Variants in ARMC2 observed in about 807,000 individuals in gnomAD.
ARMC2 encodes the protein armadillo repeat containing 2.
In ARMC2, 67 loss-of-function variants were observed where a neutral mutation model predicts 90.3. That is an observed-to-expected ratio of 0.74 (90% CI 0.61 to 0.91). ARMC2 has a LOEUF of 0.91. ARMC2 is among the 40% of genes least tolerant of loss of function. ARMC2 has a pLI of 0.00. For synonymous variants in ARMC2, 393 were observed against 393.0 expected (o/e 1.00, Z 0.00); for missense variants, 920 against 1,030.9 (o/e 0.89, Z 1.47).
At chr6:108,855,542 C>T (rs753291268) in intron 2 of ARMC2, among the ~76,000 whole-genome samples, 6 of 152,166 alleles carry the variant, frequency 3.9e-5, no homozygotes, top group Non-Finnish European at 5.9e-5. Flanking sequence ...TGAGCGACCT[C>T]GCCCGGCCAA....
Position 108,892,652 on chromosome 6 carries a change from G to A in ARMC2, c.672-1815G>A, listed in dbSNP as rs551466513. The stretch of plus-strand genomic sequence containing the variant: ...CACACGCCTGTAATCCCAGCTACTC[G>A]GGAGGCTGAGGCAGGAGAATCCCTT... On this transcript the variant is annotated intron_variant, in intron 5 of 17. Transcript: ENST00000392644. Among the ~76,000 whole-genome samples the A allele has an allele frequency of 2.5e-4, 38 of 151,956 alleles. 1 individual carries two copies. In the South Asian group the frequency reaches 6.5e-3, roughly 26 times the overall value.
intron 13 of ARMC2, among the ~76,000 whole-genome samples, chr6:108,955,017 A>ACACT (rs1777468239): frequency 6.6e-6 from 1 of 152,142 alleles, no homozygotes; most frequent in African/African-American, 2.4e-5. Context: ...TGAAGAGAGC[A>ACACT]CACTCTGGGG....
intron 5 of ARMC2, among the ~76,000 whole-genome samples, chr6:108,892,342 A>G (rs1049018253): frequency 6.6e-6 from 1 of 152,036 alleles, no homozygotes; most frequent in Admixed American, 6.5e-5. Context: ...GACATTTGCT[A>G]TCGTATTTTT....
chr6:109,006,998 G>A, the ARMC2 span, among the ~76,000 whole-genome samples: 1 of 152,210 alleles, frequency 6.6e-6, no homozygotes, highest in South Asian at 2.1e-4. Context: ...AGCAGATGTA[G>A]ATACTAATCA....
chr6:108,852,210 C>T, intron 1 of ARMC2, among the ~76,000 whole-genome samples: 1 of 152,080 alleles, frequency 6.6e-6, no homozygotes, highest in East Asian at 1.9e-4. Context: ...AAAATCCTCC[C>T]CCCAAAGCCC....
At chr6:108,905,538 G>GA (rs59313750) in intron 8 of ARMC2, among the ~76,000 whole-genome samples, 3,742 of 130,002 alleles carry the variant, frequency 0.029, 68 homozygotes, top group East Asian at 0.097. Flanking sequence ...AAAGAGTGAG[G>GA]AAAAAAAAAA....
chr6:108,956,203 G>C (rs1777571140), intron 13 of ARMC2, among the ~76,000 whole-genome samples: 2 of 152,202 alleles, frequency 1.3e-5, no homozygotes, highest in Non-Finnish European at 2.9e-5. Context: ...CACCTGGACT[G>C]GGGGCACATG....
intron 5 of ARMC2, among the ~76,000 whole-genome samples, chr6:108,892,018 G>A (rs774364713): frequency 5.3e-5 from 8 of 152,328 alleles, no homozygotes; most frequent in East Asian, 3.9e-4. Context: ...GGATACATGC[G>A]TGTGGTATTT....
At chr6:108,960,196 A>G (rs1285435392) in intron 13 of ARMC2, among the ~76,000 whole-genome samples, 2 of 151,982 alleles carry the variant, frequency 1.3e-5, no homozygotes, top group African/African-American at 4.8e-5. Flanking sequence ...CATCTACCCA[A>G]TTATGTGCAC....
chr6:108,939,907 C>A (rs1776292965), intron 12 of ARMC2, among the ~76,000 whole-genome samples: 1 of 152,116 alleles, frequency 6.6e-6, no homozygotes. Context: ...CCTCTTGATA[C>A]CAAAGGTCAT....
At chr6:108,921,721 G>A (rs1161623131) in intron 10 of ARMC2, among the ~76,000 whole-genome samples, 1 of 152,184 alleles carries the variant, frequency 6.6e-6, no homozygotes. Context: ...GCTTAGCTGA[G>A]GTTGGAAAAT....
the ARMC2 span, among the ~76,000 whole-genome samples, chr6:109,016,601 C>A: frequency 6.6e-6 from 1 of 152,172 alleles, no homozygotes. Context: ...GTCTGTTCTT[C>A]TGCCCTCCCA....
chr6:108,887,330 G>T (rs1426336256), intron 5 of ARMC2, among the ~76,000 whole-genome samples: 1 of 152,194 alleles, frequency 6.6e-6, no homozygotes, highest in African/African-American at 2.4e-5. Flanking sequence ...AAGTCAGTCC[G>T]TGTGTAGCAG....
chr6:108,982,996 T>G, the ARMC2 span, among the ~76,000 whole-genome samples: 5 of 151,984 alleles, frequency 3.3e-5, no homozygotes, highest in African/African-American at 1.2e-4. Context: ...AGCTAATTTT[T>G]GTGTAGAGAC....
chr6:108,914,406 C>A (rs1227236482), intron 10 of ARMC2, among the ~76,000 whole-genome samples: 1 of 152,084 alleles, frequency 6.6e-6, no homozygotes. Context: ...TGTGTCCCCC[C>A]ACCTCTAGGG....
intron 5 of ARMC2, among the ~76,000 whole-genome samples, chr6:108,893,464 G>C (rs115867804): frequency 3.9e-5 from 6 of 152,140 alleles, no homozygotes; most frequent in African/African-American, 1.4e-4. Context: ...TGCAGGGATC[G>C]GGGAAGGGAG....
At chr6:109,007,550 T>C in the ARMC2 span, among the ~76,000 whole-genome samples, 1 of 152,150 alleles carries the variant, frequency 6.6e-6, no homozygotes, top group Non-Finnish European at 1.5e-5. Context: ...TTGAAAAACA[T>C]TTCAACAAGG....
the ARMC2 span, among the ~76,000 whole-genome samples, chr6:108,983,497 T>TA: frequency 6.6e-6 from 1 of 152,220 alleles, no homozygotes; most frequent in Admixed American, 6.5e-5. Context: ...CACCATTTGT[T>TA]AAAGAGACTG....
At chr6:108,888,294 A>G (rs954590796) in intron 5 of ARMC2, among the ~76,000 whole-genome samples, 1 of 152,226 alleles carries the variant, frequency 6.6e-6, no homozygotes, top group Non-Finnish European at 1.5e-5. Context: ...AACTGTGCCA[A>G]GCAATCGCAC....
Sources: gnomAD v4.1 joint callset for allele counts (sites outside exome capture counted in the v4.1 genomes callset) on GRCh38, gnomAD v4.1.1 for gene constraint, MANE v1.5 for transcripts, NCBI Gene and HGNC (gene_info 2026-07-23, HGNC 2026-07-21) for gene names.